XRCC4: variants seen among roughly 807,000 people sequenced by gnomAD.
XRCC4 encodes the protein X-ray repair cross complementing 4.
XRCC4 carries 28 observed loss-of-function variants against 39.1 expected under a neutral mutation model. The observed-to-expected ratio is 0.72, with a 90% confidence interval of 0.53 to 0.98. The LOEUF (loss-of-function observed/expected upper bound fraction) is 0.98, where lower values mean the gene tolerates loss of function less well. Ranked by LOEUF, XRCC4 falls within the 50% of genes least tolerant of loss-of-function variation. The pLI, the probability that XRCC4 is intolerant of heterozygous loss-of-function variation, is 0.00. For missense variants in XRCC4, 350 were observed against 376.4 expected, an observed-to-expected ratio of 0.93 and a Z score of 0.58; for synonymous variants, 123 against 126.4, an observed-to-expected ratio of 0.97 and a Z score of 0.18.
At chr5:83,124,680 G>C (rs1334031559) in intron 3 of XRCC4, among the ~76,000 whole-genome samples, 4 of 152,110 alleles carry the variant, frequency 2.6e-5, no homozygotes. Flanking sequence ...GCCCATTTTG[G>C]GAAATAAAGT....
At chr5:83,273,134 G>A (rs1169017954) in intron 7 of XRCC4, among the ~76,000 whole-genome samples, 1 of 152,168 alleles carries the variant, frequency 6.6e-6, no homozygotes, top group African/African-American at 2.4e-5. Context: ...GAGTGAGATA[G>A]TATCTCATTG....
chr5:83,276,004 A>T (rs1754318303), intron 7 of XRCC4, among the ~76,000 whole-genome samples: 1 of 152,284 alleles, frequency 6.6e-6, no homozygotes, highest in South Asian at 2.1e-4. Flanking sequence ...ATGATCCCAG[A>T]ACTGGATTTA....
intron 6 of XRCC4, among the ~76,000 whole-genome samples, chr5:83,224,010 A>G (rs1030959346): frequency 9.2e-5 from 14 of 151,970 alleles, no homozygotes; most frequent in Admixed American, 9.2e-4. Flanking sequence ...TTCTTCATCC[A>G]GTCTATCATT....
chr5:83,210,299 A>G (rs542662373), intron 6 of XRCC4, among the ~76,000 whole-genome samples: 1 of 152,258 alleles, frequency 6.6e-6, no homozygotes, highest in African/African-American at 2.4e-5. Context: ...TTTTAAATTA[A>G]AAGCTTGATT....
intron 6 of XRCC4, among the ~76,000 whole-genome samples, chr5:83,253,599 A>G (rs1753412790): frequency 6.6e-6 from 1 of 152,108 alleles, no homozygotes; most frequent in Non-Finnish European, 1.5e-5. Context: ...TTCAAGTATT[A>G]TAGACTCTTT....
At chr5:83,108,871 A>G (rs547713400) in intron 2 of XRCC4, among the ~76,000 whole-genome samples, 6 of 148,678 alleles carry the variant, frequency 4.0e-5, no homozygotes, top group Admixed American at 2.0e-4. Flanking sequence ...TTTTTTTAGA[A>G]GAGCTACTAG....
chr5:83,174,637 A>T (rs1749872477), intron 3 of XRCC4, among the ~76,000 whole-genome samples: 1 of 152,206 alleles, frequency 6.6e-6, no homozygotes, highest in Non-Finnish European at 1.5e-5. Context: ...AATGCACAAC[A>T]GTTGATTTCT....
intron 1 of XRCC4, among the ~76,000 whole-genome samples, chr5:83,082,289 G>A (rs1580190549): frequency 1.3e-5 from 2 of 152,116 alleles, no homozygotes; most frequent in African/African-American, 2.4e-5. Flanking sequence ...AATGCAATAT[G>A]TTATGCTAGA....
At chr5:83,270,410 T>TGC (rs1425211867) in intron 7 of XRCC4, among the ~76,000 whole-genome samples, 2 of 152,188 alleles carry the variant, frequency 1.3e-5, no homozygotes, top group Non-Finnish European at 2.9e-5. Context: ...TCATACTTCA[T>TGC]GCTTCTAAAA....
chr5:83,090,312 C>T (rs927484920), intron 1 of XRCC4, among the ~76,000 whole-genome samples: 6 of 148,362 alleles, frequency 4.0e-5, no homozygotes, highest in East Asian at 2.0e-4. Flanking sequence ...ATAAATCTCA[C>T]GAGATCTGAT....
intron 7 of XRCC4, among the ~76,000 whole-genome samples, chr5:83,300,193 C>T (rs1561462282): frequency 6.6e-6 from 1 of 152,116 alleles, no homozygotes; most frequent in Non-Finnish European, 1.5e-5. Flanking sequence ...AGTGTCCCAC[C>T]TTTATAGATG....
At chr5:83,235,130 T>A (rs971650342) in intron 6 of XRCC4, among the ~76,000 whole-genome samples, 12 of 149,350 alleles carry the variant, frequency 8.0e-5, no homozygotes, top group South Asian at 2.1e-4. Context: ...AGCCCAGGAG[T>A]TTGAGACCAG....
chr5:83,112,265 TTGTAA>T (rs1295542664), intron 3 of XRCC4, among the ~76,000 whole-genome samples: 1 of 152,216 alleles, frequency 6.6e-6, no homozygotes, highest in Non-Finnish European at 1.5e-5. Context: ...TTGTTATTTA[TTGTAA>T]GTGTTCTTTC....
In XRCC4 at chr5:83,353,416, C is replaced by T. The variant is rs186268425; in HGVS notation, c.*174C>T. ...TGGATTACACATGTATACAAAGATA[C>T]GATTTGATGATGACACTGGCACATT... On this transcript the variant is annotated 3_prime_UTR_variant, in exon 8 of 8. Transcript: ENST00000396027. 571 of 484,118 alleles carry T rather than the reference C, an allele frequency of 1.2e-3. 3 individuals carry two copies. Among genetic ancestry groups the T allele is most frequent in the Non-Finnish European group, 1.8e-3 (486 of 271,414 alleles). 30.0% of individuals were successfully genotyped at this position (484,118 alleles called of 1,614,324 possible).
rs191849670 is a variant in XRCC4, at chr5:83,309,955, C to A, written c.894-43176C>A. ...AAAACATAAACGTGTTCAAAATATT[C>A]TTTTATGCTTAATAGTATACATTTT... is the stretch of plus-strand genomic sequence containing the variant. On this transcript the variant is annotated intron_variant, in intron 7 of 7. Transcript: ENST00000396027. 8.6e-4 allele frequency among the ~76,000 whole-genome samples: 131 copies of A among 152,058 alleles called. No individual in the cohort carries two copies. In the Middle Eastern group the frequency reaches 0.01, roughly 12 times the overall value.
chr5:83,275,472 T>A (rs1307930568), intron 7 of XRCC4, among the ~76,000 whole-genome samples: 2 of 151,852 alleles, frequency 1.3e-5, no homozygotes, highest in African/African-American at 4.8e-5. Flanking sequence ...TTTTTTTGTA[T>A]TTTTAGTAGA....
At chr5:83,179,360 G>A (rs1291369396) in intron 3 of XRCC4, among the ~76,000 whole-genome samples, 1 of 152,106 alleles carries the variant, frequency 6.6e-6, no homozygotes, top group Non-Finnish European at 1.5e-5. Context: ...TAAATATGAG[G>A]CAAAGACATG....
chr5:83,360,037 C>T, the XRCC4 span, among the ~76,000 whole-genome samples: 1 of 152,048 alleles, frequency 6.6e-6, no homozygotes, highest in Admixed American at 6.6e-5. Context: ...TAAGAAATGT[C>T]AAATACGAAG....
At chr5:83,358,918 C>T in the XRCC4 span, among the ~76,000 whole-genome samples, 2 of 152,148 alleles carry the variant, frequency 1.3e-5, no homozygotes, top group African/African-American at 2.4e-5. Flanking sequence ...GCAAGGATGC[C>T]TTATCAAGAT....
Sources: gnomAD v4.1 joint callset for allele counts (sites outside exome capture counted in the v4.1 genomes callset) on GRCh38, gnomAD v4.1.1 for gene constraint, MANE v1.5 for transcripts, NCBI Gene and HGNC (gene_info 2026-07-23, HGNC 2026-07-21) for gene names.